Variants in PIKFYVE observed in about 807,000 individuals in gnomAD.
PIKFYVE encodes the protein phosphoinositide kinase, FYVE-type zinc finger containing.
In PIKFYVE, 122 loss-of-function variants were observed where a neutral mutation model predicts 257.9. The ratio of observed to expected loss-of-function variants is 0.47; its 90% CI spans 0.41 to 0.55. The LOEUF is 0.55. PIKFYVE is among the 20% of genes least tolerant of loss of function. PIKFYVE has a pLI of 0.00. For missense variants in PIKFYVE, 2,160 were observed against 2,536.6 expected (o/e 0.85, Z 3.19); for synonymous variants, 892 against 868.9 (o/e 1.03, Z -0.47).
At chr2:208,344,672 C>G (rs959342637) in intron 32 of PIKFYVE, among the ~76,000 whole-genome samples, 1 of 150,268 alleles carries the variant, frequency 6.7e-6, no homozygotes, top group Non-Finnish European at 1.5e-5. Context: ...ACCTAAGAGT[C>G]AGGTTTTTTT....
chr2:208,272,059 C>T (rs931805723), intron 2 of PIKFYVE, among the ~76,000 whole-genome samples: 1 of 152,054 alleles, frequency 6.6e-6, no homozygotes, highest in Middle Eastern at 3.4e-3. Flanking sequence ...ACGGTGAAAT[C>T]CCGTCTCTAC....
intron 12 of PIKFYVE, among the ~76,000 whole-genome samples, chr2:208,311,338 T>G (rs1340992905): frequency 6.6e-6 from 1 of 152,192 alleles, no homozygotes; most frequent in Non-Finnish European, 1.5e-5. Flanking sequence ...CACTTGAACT[T>G]TCTAAATAAA....
rs1261366809 is a variant in PIKFYVE at position 208,300,978 on chromosome 2, T to C, written c.1092T>C (p.His364=). ...AAGACCTGTGGAAAAAAATCTGCCATCACAGCAGTGGAATGGAGTTTCAGG... is the reference window on the plus strand; with the variant it reads ...AAGACCTGTGGAAAAAAATCTGCCACCACAGCAGTGGAATGGAGTTTCAGG... The part of the protein sequence containing the change: ...QLKDLWKKIC[H]HSSGMEFQDH... The change falls in exon 9 of 42, where the codon CAT becomes CAC. Residue 364 remains histidine, a synonymous_variant. Coordinates refer to ENST00000264380, the MANE Select transcript of PIKFYVE (RefSeq NM_015040.4). The C allele has an allele frequency of 1.1e-5, 17 of 1,614,000 alleles. No homozygotes were observed. Among genetic ancestry groups the C allele is most frequent in the Non-Finnish European group, 1.4e-5 (16 of 1,180,008 alleles).
At chr2:208,327,267 T>G (rs765405142) in intron 20 of PIKFYVE, among the ~76,000 whole-genome samples, 4 of 152,196 alleles carry the variant, frequency 2.6e-5, no homozygotes, top group Non-Finnish European at 4.4e-5. Context: ...TTTGTATAAA[T>G]TTATAGAAAG....
At chr2:208,306,512 G>A (rs1694330034) in intron 12 of PIKFYVE, among the ~76,000 whole-genome samples, 1 of 152,156 alleles carries the variant, frequency 6.6e-6, no homozygotes, top group Non-Finnish European at 1.5e-5. Context: ...TCATCTCTTG[G>A]AATGTTAAAG....
chr2:208,343,653 CTG>C (rs777936368), intron 32 of PIKFYVE, among the ~76,000 whole-genome samples: 2 of 152,062 alleles, frequency 1.3e-5, no homozygotes, highest in Admixed American at 6.5e-5. Context: ...CTGCAGTTGA[CTG>C]TGGGTAATTG....
intron 24 of PIKFYVE, 138 bp downstream of exon 24, chr2:208,333,631 A>C (rs1414789198): frequency 4.4e-6 from 4 of 917,432 alleles, no homozygotes; most frequent in Non-Finnish European, 6.8e-6. Flanking sequence ...AGAGGACCAG[A>C]CTGTATTAAG....
At chr2:208,335,475 A>T (rs1218305372) in intron 25 of PIKFYVE, 56 bp downstream of exon 25, 1 of 1,278,498 alleles carries the variant, frequency 7.8e-7, no homozygotes, top group African/African-American at 1.5e-5. Context: ...ATTTTAAAGT[A>T]TCAGATTTAT....
rs753529784 is a variant in PIKFYVE at position 208,335,302 on chromosome 2, TCA to T, written c.4143-3_4143-2del. ...TTCTATTGGTCCTTGTATTTTCTTC[TCA>T]GTTATTCTCCCATTCGGCTTCTTGA... is the stretch of plus-strand genomic sequence containing the variant. On this transcript the variant is annotated splice_acceptor_variant and splice_polypyrimidine_tract_variant and intron_variant, in intron 24 of 41. Coordinates refer to ENST00000264380, the MANE Select transcript of PIKFYVE (RefSeq NM_015040.4). LOFTEE classifies it high-confidence loss of function. 2 of 1,565,562 alleles carry T rather than the reference TCA, an allele frequency of 1.3e-6. No homozygotes were observed.
At chr2:208,266,755 G>T (rs1688687308) in intron 1 of PIKFYVE, among the ~76,000 whole-genome samples, 1 of 152,202 alleles carries the variant, frequency 6.6e-6, no homozygotes, top group Non-Finnish European at 1.5e-5. Flanking sequence ...TTTTCCCTCT[G>T]AGTGCATGAG....
Position 208,326,429 on chromosome 2 carries a change from G to A in PIKFYVE, c.3618G>A (p.Lys1206=). The change falls in exon 20 of 42, where the codon AAG becomes AAA. Residue 1206 remains lysine (K), a splice_region_variant and synonymous_variant. Coordinates refer to ENST00000264380, the MANE Select transcript of PIKFYVE (RefSeq NM_015040.4). ...TGAGTGATGCTGTGTGGTCAACAAA[G>A]GTGAGCCAGACCACTTTCTGATGCT... ...LILSDAVWST[K]VDCLNPINHQ... is the part of the protein sequence containing the mutation. The A allele has an allele frequency of 6.2e-7, 1 of 1,613,864 alleles. No individual in the cohort carries two copies. Among genetic ancestry groups the A allele is most frequent in the Non-Finnish European group, 8.5e-7 (1 of 1,179,842 alleles).
intron 7 of PIKFYVE, among the ~76,000 whole-genome samples, chr2:208,291,613 T>A (rs2125222691): frequency 6.6e-6 from 1 of 152,266 alleles, no homozygotes; most frequent in Admixed American, 6.5e-5. Flanking sequence ...GTGCTTTCTG[T>A]TTTGGAAAGT....
intron 31 of PIKFYVE, among the ~76,000 whole-genome samples, chr2:208,342,175 A>G (rs1319664662): frequency 2.0e-5 from 3 of 152,186 alleles, no homozygotes; most frequent in African/African-American, 4.8e-5. Flanking sequence ...TGATAATAGT[A>G]AAGTGGTTGT....
At chr2:208,350,525 T>C (rs1699679194) in intron 36 of PIKFYVE, among the ~76,000 whole-genome samples, 1 of 152,108 alleles carries the variant, frequency 6.6e-6, no homozygotes, top group Non-Finnish European at 1.5e-5. Context: ...CTTTTTTTTA[T>C]GTGATTTTTA....
intron 12 of PIKFYVE, among the ~76,000 whole-genome samples, chr2:208,307,009 C>A (rs560855262): frequency 6.6e-6 from 1 of 152,202 alleles, no homozygotes; most frequent in South Asian, 2.1e-4. Context: ...GAACTCCTGG[C>A]CCCAAGTGAT....
intron 6 of PIKFYVE, among the ~76,000 whole-genome samples, chr2:208,286,787 T>C (rs533475711): frequency 6.6e-6 from 1 of 152,114 alleles, no homozygotes; most frequent in Non-Finnish European, 1.5e-5. Context: ...CCCAAAGTGC[T>C]GAGATTACAG....
At chr2:208,295,242 C>G (rs1173008140) in intron 7 of PIKFYVE, among the ~76,000 whole-genome samples, 2 of 152,220 alleles carry the variant, frequency 1.3e-5, no homozygotes, top group Non-Finnish European at 2.9e-5. Context: ...AGTGAAGATG[C>G]TCACGTGCTA....
rs1690283575 is a variant in PIKFYVE at position 208,277,675 on chromosome 2, C to G, written c.580C>G (p.Gln194Glu). The change falls in exon 5 of 42, where the codon CAA (glutamine) becomes GAA (glutamate). Residue 194 changes from glutamine to glutamate, a missense_variant. Coordinates refer to ENST00000264380, the MANE Select transcript of PIKFYVE (RefSeq NM_015040.4). ...GATTTTCTGCAGTCGTTGCTGTAATCAAGAAATCCCTGGAAAATTTATGGG... is the reference window on the plus strand; with the variant it reads ...GATTTTCTGCAGTCGTTGCTGTAATGAAGAAATCCCTGGAAAATTTATGGG... ...GQIFCSRCCN[Q>E]EIPGKFMGYT... 1 of 1,613,828 alleles carries G rather than the reference C, an allele frequency of 6.2e-7. No homozygotes were observed. Among genetic ancestry groups the G allele is most frequent in the African/African-American group, 1.3e-5 (1 of 75,030 alleles).
intron 27 of PIKFYVE, 61 bp downstream of exon 27, chr2:208,336,261 C>G: frequency 6.3e-7 from 1 of 1,589,642 alleles, no homozygotes; most frequent in Non-Finnish European, 8.6e-7. Flanking sequence ...AATGTGATAT[C>G]TTAAAACTTA....
Sources: allele counts gnomAD v4.1 joint callset (sites outside exome capture counted in the v4.1 genomes callset), GRCh38; gene constraint gnomAD v4.1.1; transcripts MANE v1.5; gene names NCBI Gene and HGNC (gene_info 2026-07-23, HGNC 2026-07-21).